Variants in SGIP1 observed in about 807,000 individuals in gnomAD.
SGIP1 encodes the protein SH3-containing GRB2-like protein 3-interacting protein 1.
SGIP1 carries 38 observed loss-of-function variants against 107.5 expected under a neutral mutation model. That is an observed-to-expected ratio of 0.35 (90% CI 0.27 to 0.46). The LOEUF is 0.46. Among genes scored for constraint, SGIP1 ranks in the 20% least tolerant of loss-of-function variants. The pLI is 1.00. For missense variants in SGIP1, 929 were observed against 1,019.5 expected, an observed-to-expected ratio of 0.91 and a Z score of 1.21; for synonymous variants, 365 against 366.1, an observed-to-expected ratio of 1.00 and a Z score of 0.03.
At chr1:66,715,728 A>G (rs888099682) in intron 18 of SGIP1, among the ~76,000 whole-genome samples, 5 of 152,156 alleles carry the variant, frequency 3.3e-5, no homozygotes, top group African/African-American at 4.8e-5. Context: ...AAAATTGATG[A>G]TCAACTAAAA....
At chr1:66,733,927 T>G (rs377612933) in intron 21 of SGIP1, 47 bp downstream of exon 21, 1 of 1,572,468 alleles carries the variant, frequency 6.4e-7, no homozygotes, top group East Asian at 2.3e-5. Context: ...GACATATTTG[T>G]TTTCTAAAGT....
chr1:66,739,993 TG>T (rs1237572891), intron 22 of SGIP1, among the ~76,000 whole-genome samples: 1 of 152,232 alleles, frequency 6.6e-6, no homozygotes, highest in Non-Finnish European at 1.5e-5. Flanking sequence ...GTTAGATTGC[TG>T]ATCAGAGGAA....
chr1:66,682,347 C>T lies in SGIP1; in HGVS notation c.1293C>T (p.Gly431=), dbSNP rs753186178. The change falls in exon 15 of 25, where the codon GGC becomes GGT. Residue 431 remains glycine, a synonymous_variant. Coordinates refer to ENST00000371037, the MANE Select transcript of SGIP1 (RefSeq NM_032291.4). ...TTTCGTCCCCCGGACCTGGCTCGGG[C>T]CCTGGTCCGGGGACCACCAGTGGTA... ...TVVSSPGPGS[G]PGPGTTSGAS... The T allele has an allele frequency of 6.2e-7, 1 of 1,612,918 alleles. No homozygotes were observed. Among genetic ancestry groups the T allele is most frequent in the Admixed American group, 1.7e-5 (1 of 59,676 alleles).
chr1:66,638,950 C>T (rs551340093), intron 4 of SGIP1, among the ~76,000 whole-genome samples: 7 of 152,282 alleles, frequency 4.6e-5, no homozygotes, highest in African/African-American at 1.7e-4. Flanking sequence ...CCTTTACCAA[C>T]GTGATTTGTG....
intron 24 of SGIP1, among the ~76,000 whole-genome samples, chr1:66,741,771 AT>A (rs71590351): frequency 5.0e-4 from 73 of 146,616 alleles, no homozygotes; most frequent in Non-Finnish European, 6.2e-4. Context: ...ATTTTTATTT[AT>A]TTTTTTTTTT....
At chr1:66,612,371 T>A (rs2068203124) in intron 1 of SGIP1, among the ~76,000 whole-genome samples, 1 of 152,138 alleles carries the variant, frequency 6.6e-6, no homozygotes, top group Non-Finnish European at 1.5e-5. Context: ...AAGACAAACA[T>A]CCAAACTATA....
chr1:66,604,022 A>T (rs2066355607), intron 1 of SGIP1, among the ~76,000 whole-genome samples: 2 of 152,200 alleles, frequency 1.3e-5, no homozygotes, highest in South Asian at 4.1e-4. Flanking sequence ...AACAACACAG[A>T]AATATGTGTT....
At chr1:66,605,980 C>CT (rs1046792051) in intron 1 of SGIP1, among the ~76,000 whole-genome samples, 3 of 152,104 alleles carry the variant, frequency 2.0e-5, no homozygotes, top group African/African-American at 4.8e-5. Flanking sequence ...TACAAGTCAC[C>CT]TTTTTTCTCC....
intron 1 of SGIP1, among the ~76,000 whole-genome samples, chr1:66,546,006 A>G (rs866177535): frequency 6.6e-6 from 1 of 152,182 alleles, no homozygotes; most frequent in South Asian, 2.1e-4. Flanking sequence ...TAATAAATGA[A>G]TCCTGTGTAA....
chr1:66,537,846 G>A (rs114657047), intron 1 of SGIP1, among the ~76,000 whole-genome samples: 1,615 of 151,996 alleles, frequency 0.011, 30 homozygotes, highest in African/African-American at 0.036. Context: ...CAAAAAAATG[G>A]TGGAGTGAAA....
intron 21 of SGIP1, 62 bp downstream of exon 21, chr1:66,733,942 A>T: frequency 6.6e-7 from 1 of 1,513,216 alleles, no homozygotes; most frequent in Non-Finnish European, 8.9e-7. Flanking sequence ...TAAAGTACCT[A>T]CTATTGAATA....
intron 19 of SGIP1, among the ~76,000 whole-genome samples, chr1:66,720,788 G>A (rs991580619): frequency 2.6e-5 from 4 of 152,156 alleles, no homozygotes; most frequent in Middle Eastern, 6.8e-3. Context: ...TAGAACACTA[G>A]ACTATACTAT....
rs776176790 is a variant in SGIP1, at chr1:66,643,690, G to T, written c.430G>T (p.Gly144Cys). Residue 144 changes from glycine to cysteine, a missense_variant, in exon 7 of 25, where the codon GGC (glycine) becomes TGC (cysteine). By Grantham distance (159) the Gly-to-Cys change is radical. Coordinates refer to ENST00000371037, the MANE Select transcript of SGIP1 (RefSeq NM_032291.4). ...TGTAGATGAATTGAAGGCATCAATA[G>T]GCAACATCGCACTTTCCCCATCACC... Reference protein sequence around the residue: ...ATVDELKASIGNIALSPSPVR... With the variant: ...ATVDELKASICNIALSPSPVR... 91 of 1,610,926 alleles carry T rather than the reference G, an allele frequency of 5.6e-5. No individual in the cohort carries two copies. Among genetic ancestry groups the T allele is most frequent in the Non-Finnish European group, 6.9e-5 (81 of 1,179,036 alleles).
At chr1:66,623,173 T>C (rs2071617949) in intron 1 of SGIP1, among the ~76,000 whole-genome samples, 1 of 152,200 alleles carries the variant, frequency 6.6e-6, no homozygotes, top group African/African-American at 2.4e-5. Flanking sequence ...ATAACTTCAT[T>C]TGCTTTAGTC....
intron 18 of SGIP1, 135 bp downstream of exon 18, chr1:66,695,628 G>GA: frequency 2.6e-6 from 2 of 765,142 alleles, no homozygotes; most frequent in South Asian, 4.7e-5. Flanking sequence ...TGGCTACTTA[G>GA]AAAATATTAA....
intron 1 of SGIP1, among the ~76,000 whole-genome samples, chr1:66,596,544 C>G (rs1276544894): frequency 6.6e-6 from 1 of 151,896 alleles, no homozygotes; most frequent in African/African-American, 2.4e-5. Flanking sequence ...GGAAACAGAT[C>G]AGAGGAAAGC....
At chr1:66,644,459 CTGTT>C (rs1246431227) in intron 7 of SGIP1, among the ~76,000 whole-genome samples, 2 of 152,070 alleles carry the variant, frequency 1.3e-5, no homozygotes, top group Admixed American at 6.6e-5. Context: ...AGCCTTTTCT[CTGTT>C]TGATAAATGC....
intron 1 of SGIP1, among the ~76,000 whole-genome samples, chr1:66,591,533 A>C (rs2063621615): frequency 6.6e-6 from 1 of 152,184 alleles, no homozygotes; most frequent in African/African-American, 2.4e-5. Flanking sequence ...ACACATGCAC[A>C]GCCTCCCCCA....
chr1:66,734,659 C>T (rs1378973606), intron 21 of SGIP1, among the ~76,000 whole-genome samples: 1 of 151,986 alleles, frequency 6.6e-6, no homozygotes, highest in Non-Finnish European at 1.5e-5. Context: ...CATGCACCAC[C>T]AAGCCCTGCT....
Sources: allele counts gnomAD v4.1 joint callset (sites outside exome capture counted in the v4.1 genomes callset), GRCh38; gene constraint gnomAD v4.1.1; transcripts MANE v1.5; gene names NCBI Gene and HGNC (gene_info 2026-07-23, HGNC 2026-07-21).